The following LRMDA variants were observed in gnomAD, a reference collection of about 807,000 sequenced individuals.
LRMDA encodes the protein leucine-rich melanocyte differentiation-associated protein.
In LRMDA, 18 loss-of-function variants were observed where a neutral mutation model predicts 29.8. The observed-to-expected ratio is 0.60, with a 90% CI of 0.42 to 0.90. The LOEUF (loss-of-function observed/expected upper bound fraction) is 0.90, where lower values mean the gene tolerates loss of function less well. LRMDA is among the 40% of genes least tolerant of loss of function. The pLI is 0.00. For synonymous variants in LRMDA, 125 were observed against 109.4 expected (o/e 1.14, Z -0.89); for missense variants, 273 against 273.9 (o/e 1.00, Z 0.02).
At chr10:75,494,250 G>A (rs965484375) in intron 2 of LRMDA, among the ~76,000 whole-genome samples, 1 of 152,092 alleles carries the variant, frequency 6.6e-6, no homozygotes, top group African/African-American at 2.4e-5. Flanking sequence ...GAAAATAGTG[G>A]TCTTTTACTT....
intron 6 of LRMDA, among the ~76,000 whole-genome samples, chr10:76,373,466 A>G (rs919635309): frequency 6.6e-6 from 1 of 152,164 alleles, no homozygotes; most frequent in Admixed American, 6.6e-5. Context: ...AGTTTGTAGT[A>G]TCCTGGTATT....
chr10:76,215,308 TGGG>T lies in LRMDA; in HGVS notation c.517-109092_517-109090del, dbSNP rs1264720000. On this transcript the variant is annotated intron_variant, in intron 5 of 6. Transcript: ENST00000611255. ...ACAGAGCAAGTTTCATTTTGAGGGA[TGGG>T]AGGAGGTGTACCTTGCTGTATCTGA... 2.3e-3 allele frequency among the ~76,000 whole-genome samples: 350 copies of T among 152,254 alleles called. 3 individuals carry two copies. The highest frequency in any genetic ancestry group is 5.4e-4 in the Non-Finnish European group (37 of 68,018).
At chr10:75,609,217 C>T (rs1324983856) in intron 2 of LRMDA, among the ~76,000 whole-genome samples, 6 of 152,098 alleles carry the variant, frequency 3.9e-5, no homozygotes, top group African/African-American at 1.4e-4. Context: ...AAGAAAAACT[C>T]CCTGAGGAGG....
chr10:75,641,722 G>A (rs759543109), intron 2 of LRMDA, among the ~76,000 whole-genome samples: 12 of 152,028 alleles, frequency 7.9e-5, no homozygotes, highest in Middle Eastern at 3.4e-3. Flanking sequence ...TTACAGGTGT[G>A]AGCCAAAAAG....
At chr10:75,632,391 G>C (rs1249888358) in intron 2 of LRMDA, among the ~76,000 whole-genome samples, 1 of 152,166 alleles carries the variant, frequency 6.6e-6, no homozygotes, top group Non-Finnish European at 1.5e-5. Flanking sequence ...AAAAAGAAAA[G>C]AGTGTTGTGT....
At chr10:75,856,381 AAAG>A (rs980448663) in intron 2 of LRMDA, among the ~76,000 whole-genome samples, 5 of 152,168 alleles carry the variant, frequency 3.3e-5, no homozygotes, top group Non-Finnish European at 7.4e-5. Context: ...CACAACAAAA[AAAG>A]AGAATTTTAG....
intron 2 of LRMDA, among the ~76,000 whole-genome samples, chr10:75,841,188 GCAAGAGGACAAGA>G: frequency 6.6e-6 from 1 of 152,206 alleles, no homozygotes; most frequent in Admixed American, 6.5e-5. Context: ...CGAAGCCTTA[GCAAGAGGACAAGA>G]TAACATATTT....
At chr10:76,477,640 G>A (rs557975604) in intron 6 of LRMDA, among the ~76,000 whole-genome samples, 1 of 152,208 alleles carries the variant, frequency 6.6e-6, no homozygotes, top group South Asian at 2.1e-4. Flanking sequence ...CACACTACCT[G>A]ACTTCAAACT....
chr10:75,586,539 C>T (rs929852886), intron 2 of LRMDA, among the ~76,000 whole-genome samples: 1 of 151,502 alleles, frequency 6.6e-6, no homozygotes, highest in African/African-American at 2.4e-5. Flanking sequence ...TGTATGTTTT[C>T]TAGAGATAGG....
At chr10:76,236,937 A>C (rs1034175874) in intron 5 of LRMDA, among the ~76,000 whole-genome samples, 1 of 152,276 alleles carries the variant, frequency 6.6e-6, no homozygotes, top group African/African-American at 2.4e-5. Flanking sequence ...CTATAATTTC[A>C]AAGTGTTGAT....
At chr10:76,363,180 G>GAAA (rs1841340917) in intron 6 of LRMDA, among the ~76,000 whole-genome samples, 9 of 10,868 alleles carry the variant, frequency 8.3e-4, no homozygotes, top group South Asian at 2.7e-3. Context: ...AAAGAAAGGA[G>GAAA]GGAGGGAGGG....
At chr10:75,610,210 C>T (rs1411811559) in intron 2 of LRMDA, among the ~76,000 whole-genome samples, 2 of 152,138 alleles carry the variant, frequency 1.3e-5, no homozygotes, top group African/African-American at 4.8e-5. Flanking sequence ...GCAACTGTCA[C>T]CACTATTTAG....
intron 5 of LRMDA, among the ~76,000 whole-genome samples, chr10:76,306,364 A>G (rs1469191084): frequency 1.3e-5 from 2 of 152,192 alleles, no homozygotes; most frequent in Non-Finnish European, 2.9e-5. Flanking sequence ...TTTGGTTGCT[A>G]TAGTGGGTGC....
At chr10:75,778,770 C>T (rs1843344271) in intron 2 of LRMDA, among the ~76,000 whole-genome samples, 1 of 152,188 alleles carries the variant, frequency 6.6e-6, no homozygotes, top group South Asian at 2.1e-4. Flanking sequence ...AATAGACTAG[C>T]AGTATCTAAA....
chr10:75,754,583 T>C (rs1446737078), intron 2 of LRMDA, among the ~76,000 whole-genome samples: 1 of 152,228 alleles, frequency 6.6e-6, no homozygotes, highest in African/African-American at 2.4e-5. Context: ...TTTTTACTTG[T>C]CACAGTTGCT....
chr10:75,617,431 C>A (rs1345415501), intron 2 of LRMDA, among the ~76,000 whole-genome samples: 1 of 152,116 alleles, frequency 6.6e-6, no homozygotes, highest in African/African-American at 2.4e-5. Flanking sequence ...TTTGAGTGTC[C>A]CCTTCTATGT....
At chr10:75,926,960 C>T (rs1301456182) in intron 2 of LRMDA, among the ~76,000 whole-genome samples, 3 of 152,160 alleles carry the variant, frequency 2.0e-5, no homozygotes, top group Non-Finnish European at 4.4e-5. Context: ...CTTTAGGAAG[C>T]CTCCCCTAGT....
intron 6 of LRMDA, among the ~76,000 whole-genome samples, chr10:76,388,072 A>G (rs1321731320): frequency 6.6e-6 from 1 of 152,220 alleles, no homozygotes; most frequent in Non-Finnish European, 1.5e-5. Context: ...GTCTGGTACC[A>G]TGCTAGATCC....
At chr10:76,128,797 T>C (rs1849933509) in intron 5 of LRMDA, among the ~76,000 whole-genome samples, 1 of 152,076 alleles carries the variant, frequency 6.6e-6, no homozygotes, top group Non-Finnish European at 1.5e-5. Context: ...AGCCCAGAGC[T>C]CATCAGGGAG....
Sources: gnomAD v4.1 joint callset for allele counts (sites outside exome capture counted in the v4.1 genomes callset) on GRCh38, gnomAD v4.1.1 for gene constraint, MANE v1.5 for transcripts, NCBI Gene and HGNC (gene_info 2026-07-23, HGNC 2026-07-21) for gene names.